The following ANAPC2 variants were observed in gnomAD, a reference collection of about 807,000 sequenced individuals.
ANAPC2 encodes anaphase promoting complex subunit 2.
Under a neutral mutation model 84.3 loss-of-function variants are expected in ANAPC2, and 29 were observed. The ratio of observed to expected loss-of-function variants is 0.34; its 90% CI spans 0.26 to 0.47. The LOEUF is 0.47. ANAPC2 is among the 20% of genes least tolerant of loss of function. ANAPC2 has a pLI of 1.00. For synonymous variants in ANAPC2, 571 were observed against 479.4 expected, an observed-to-expected ratio of 1.19 and a Z score of -2.50; for missense variants, 857 against 1,131.7, an observed-to-expected ratio of 0.76 and a Z score of 3.48.
intron 7 of ANAPC2, 61 bp from the exon 8 acceptor site, chr9:137,180,990 T>A: frequency 6.3e-7 from 1 of 1,583,378 alleles, no homozygotes; most frequent in Non-Finnish European, 8.6e-7. Context: ...AGGGCCGCCC[T>A]CCTCCCATCC....
intron 7 of ANAPC2, among the ~76,000 whole-genome samples, chr9:137,181,147 G>A (rs903032192): frequency 5.9e-5 from 9 of 152,328 alleles, no homozygotes; most frequent in East Asian, 5.8e-4. Context: ...GGGACCTTCC[G>A]GGACTCCCAT....
chr9:137,178,170 C>T (rs1382353615), intron 10 of ANAPC2, among the ~76,000 whole-genome samples: 1 of 152,128 alleles, frequency 6.6e-6, no homozygotes, highest in Non-Finnish European at 1.5e-5. Context: ...GAGTCAGTGG[C>T]TTGCTAGGTC....
chr9:137,184,971 C>T lies in ANAPC2; in HGVS notation c.990G>A (p.Arg330=). The change falls in exon 4 of 13, where the codon AGG becomes AGA. Residue 330 remains arginine, a synonymous_variant. Coordinates refer to ENST00000323927, the MANE Select transcript of ANAPC2 (RefSeq NM_013366.4). ...GGCTGGCGTAGATGCGGTAGAAGAA[C>T]CTTTGCACGTGGCAGCGCCAGCGGC... ...TLRRWRCHVQ[R]FFYRIYASLR... The T allele has an allele frequency of 6.2e-7, 1 of 1,612,486 alleles. No homozygotes were observed. The highest frequency in any genetic ancestry group is 8.5e-7 in the Non-Finnish European group (1 of 1,179,646).
In ANAPC2 at chr9:137,180,234, C is replaced by T. The variant is rs774010737; in HGVS notation, c.1837G>A (p.Glu613Lys). The change falls in exon 10 of 13, where the codon GAG (glutamate) becomes AAG (lysine). Residue 613 changes from glutamate to lysine, a missense_variant. Physicochemically the swap from Glu to Lys is moderately conservative, Grantham distance 56. Coordinates refer to ENST00000323927, the MANE Select transcript of ANAPC2 (RefSeq NM_013366.4). The part of the protein sequence containing the change: ...PFKDEKLEVP[E>K]DIRAALEAYC... The stretch of plus-strand genomic sequence containing the variant: ...GCCTCCAGGGCTGCCCTGATATCCT[C>T]GGGGACCTCCAGCTTCTCGTCCTTG... 35 of 1,613,710 alleles carry T rather than the reference C, an allele frequency of 2.2e-5. 1 individual carries two copies. Among genetic ancestry groups the T allele is most frequent in the South Asian group, 7.7e-5 (7 of 91,094 alleles).
At position 137,180,908 on chromosome 9, in the gene ANAPC2, C is replaced by T. The variant is rs749339424; in HGVS notation, c.1490G>A (p.Arg497His). Residue 497 changes from arginine to histidine, a missense_variant, in exon 8 of 13, where the codon CGT (arginine) becomes CAT (histidine). By Grantham distance (29) the Arg-to-His change is conservative. Around this residue, in one of 3 missense-constraint regions of ANAPC2, gnomAD observed 425 missense variants for 595.5 expected, o/e 0.71. Coordinates refer to ENST00000323927, the MANE Select transcript of ANAPC2 (RefSeq NM_013366.4). ...CAGCAGGCTGATGATGTCCGATGAA[C>T]GCCGCTTGGAGCTCGACTTCCCTGG... ...ADPGKSSSKR[R>H]SSDIISLLVS... is the part of the protein sequence containing the mutation. 8 of 1,613,418 alleles carry T rather than the reference C, an allele frequency of 5.0e-6. No homozygotes were observed. Among genetic ancestry groups the T allele is most frequent in the Non-Finnish European group, 5.9e-6 (7 of 1,179,900 alleles).
At position 137,175,436 on chromosome 9, in the gene ANAPC2, T is replaced by C; in HGVS notation, c.2057A>G (p.Lys686Arg). ...CCGCCGCAGCAGCGCCACGGGCATC[T>C]TCACCGCCTTGCTCAGTTCCTCCAG... ...WTLEELSKAV[K>R]MPVALLRRRM... The change falls in exon 12 of 13, where the codon AAG becomes AGG. Residue 686 changes from lysine (K) to arginine (R), a missense_variant. By Grantham distance (26) the Lys-to-Arg change is conservative. Transcript: ENST00000323927. 6.3e-7 allele frequency: 1 copy of C among 1,598,856 alleles called. No homozygotes were observed. The highest frequency in any genetic ancestry group is 8.5e-7 in the Non-Finnish European group (1 of 1,173,852).
chr9:137,175,044 C>G lies in ANAPC2; in HGVS notation c.2367G>C (p.Glu789Asp). The change falls in exon 13 of 13, where the codon GAG becomes GAC. Residue 789 changes from glutamate (E) to aspartate (D), a missense_variant. Transcript: ENST00000323927. ...MFVVTGPALA[E>D]IDLQELQGYL... ...AGCCCTGCAGCTCCTGCAGGTCAATCTCGGCCAGTGCAGGCCCAGTCACCA... is the reference window on the plus strand; with the variant it reads ...AGCCCTGCAGCTCCTGCAGGTCAATGTCGGCCAGTGCAGGCCCAGTCACCA... 1 of 1,605,428 alleles carries G rather than the reference C, an allele frequency of 6.2e-7. No homozygotes were observed. Among genetic ancestry groups the G allele is most frequent in the Non-Finnish European group, 8.5e-7 (1 of 1,176,862 alleles).
intron 10 of ANAPC2, 52 bp from the exon 11 acceptor site, chr9:137,175,889 C>T: frequency 6.5e-7 from 1 of 1,535,990 alleles, no homozygotes; most frequent in Non-Finnish European, 8.8e-7. Flanking sequence ...GCGCTCAGGC[C>T]CGTGGGCTCT....
rs1401755241 is a variant in ANAPC2, at chr9:137,188,018, T to C, written c.203A>G (p.His68Arg). The change falls in exon 2 of 13, where the codon CAC becomes CGC. Residue 68 changes from histidine to arginine, a missense_variant. By Grantham distance (29) the His-to-Arg change is conservative. Transcript: ENST00000323927. ...CACGAACCACTCCTCCAGGACCGAG[T>C]GTAGCCCGTGGCCCCTCAGAACCTC... Reference protein sequence around the residue: ...AVEVLRGHGLHSVLEEWFVEV... With the variant: ...AVEVLRGHGLRSVLEEWFVEV... 6.2e-7 allele frequency: 1 copy of C among 1,613,624 alleles called. No homozygotes were observed. Among genetic ancestry groups the C allele is most frequent in the Non-Finnish European group, 8.5e-7 (1 of 1,180,000 alleles).
chr9:137,178,668 T>C (rs28560209), intron 10 of ANAPC2, among the ~76,000 whole-genome samples: 40,329 of 151,698 alleles, frequency 0.27, 5,652 homozygotes, highest in African/African-American at 0.34. Flanking sequence ...GCTCGAGGTG[T>C]GGGGATGGCC....
In ANAPC2 at chr9:137,177,755, C is replaced by A. The variant is rs547051939; in HGVS notation, c.1891-1918G>T. 2.0e-5 allele frequency among the ~76,000 whole-genome samples: 3 copies of A among 152,234 alleles called. No individual in the cohort carries two copies. The South Asian group carries it at 6.2e-4, about 32-fold the overall frequency. The stretch of plus-strand genomic sequence containing the variant: ...TCTGATGAGATCTTATTTGGAAATA[C>A]GGTCATTAAAGATATAATTAAGATG... On this transcript the variant is annotated intron_variant, in intron 10 of 12. Coordinates refer to ENST00000323927, the MANE Select transcript of ANAPC2 (RefSeq NM_013366.4).
Position 137,181,907 on chromosome 9 carries a change from C to G in ANAPC2, c.1287-45G>C, listed in dbSNP as rs542809566. On this transcript the variant is annotated intron_variant, in intron 6 of 12. Transcript: ENST00000323927. ...TGTGGCCCACAGTGTGGACACCCCGCGCGCACCTCCCACCACTCATTCCAG... is the reference window on the plus strand; with the variant it reads ...TGTGGCCCACAGTGTGGACACCCCGGGCGCACCTCCCACCACTCATTCCAG... 2.6e-6 allele frequency: 4 copies of G among 1,556,710 alleles called. No individual in the cohort carries two copies. The African/African-American group carries it at 5.4e-5, about 21-fold the overall frequency.
At chr9:137,176,702 G>A (rs1834222361) in intron 10 of ANAPC2, 1 of 152,300 alleles carries the variant, frequency 6.6e-6, no homozygotes, top group South Asian at 2.1e-4. Flanking sequence ...TGCTTCCAGT[G>A]AGGTCTCAGA....
chr9:137,175,617 G>GC lies in ANAPC2; in HGVS notation c.2020+90dup, dbSNP rs749194178. ...AAGGGTGCCGCCTGCTGGCGCAGCTGCCCCAAACCACACCCTCACTGGGGA... is the reference window on the plus strand; with the variant it reads ...AAGGGTGCCGCCTGCTGGCGCAGCTGCCCCCAAACCACACCCTCACTGGGGA... On this transcript the variant is annotated intron_variant, in intron 11 of 12. Transcript: ENST00000323927. The GC allele has an allele frequency of 2.7e-4, 416 of 1,521,212 alleles. 1 individual carries two copies. The highest frequency in any genetic ancestry group is 4.5e-4 in the Admixed American group (23 of 50,824). 94.2% of individuals were successfully genotyped at this position (1,521,212 alleles called of 1,614,324 possible).
chr9:137,183,246 C>T lies in ANAPC2; in HGVS notation c.1169-4G>A. 3 of 1,610,250 alleles carry T rather than the reference C, an allele frequency of 1.9e-6. No homozygotes were observed. The highest frequency in any genetic ancestry group is 2.5e-6 in the Non-Finnish European group (3 of 1,177,570). On this transcript the variant is annotated splice_region_variant and splice_polypyrimidine_tract_variant and intron_variant, in intron 5 of 12. Transcript: ENST00000323927. ...ATGATGTCACACGTGTTGACGCCTA[C>T]AGCCAGGGCAGAAGCCAGCAGTCAT...
At chr9:137,181,202 G>T (rs1404111639) in intron 7 of ANAPC2, among the ~76,000 whole-genome samples, 1 of 152,240 alleles carries the variant, frequency 6.6e-6, no homozygotes, top group African/African-American at 2.4e-5. Context: ...TTTCCTCTGA[G>T]AGAGACTAAA....
intron 10 of ANAPC2, chr9:137,176,791 G>A (rs1037405839): frequency 2.6e-5 from 4 of 152,304 alleles, no homozygotes; most frequent in African/African-American, 9.6e-5. Flanking sequence ...TGGGTGCGAA[G>A]TGGGACCTGC....
At chr9:137,185,282 C>G (rs1338358499) in intron 3 of ANAPC2, among the ~76,000 whole-genome samples, 195 bp from the exon 4 acceptor site, 1 of 152,214 alleles carries the variant, frequency 6.6e-6, no homozygotes, top group Non-Finnish European at 1.5e-5. Context: ...ACGTCCCGGC[C>G]CCCCTGCAGT....
intron 10 of ANAPC2, 108 bp from the exon 11 acceptor site, chr9:137,175,945 C>T (rs41307438): frequency 0.14 from 192,965 of 1,379,912 alleles, 14,931 homozygotes; most frequent in Middle Eastern, 0.21. Context: ...CCACCTGCCC[C>T]ACCCCACCCT....
Sources: gnomAD v4.1 joint callset for allele counts (sites outside exome capture counted in the v4.1 genomes callset) on GRCh38, gnomAD v4.1.1 for gene constraint, gnomAD v4.1.1 regional missense constraint, MANE v1.5 for transcripts, NCBI Gene and HGNC (gene_info 2026-07-23, HGNC 2026-07-21) for gene names.